Variants in LRRC36 observed in about 807,000 individuals in gnomAD.
The protein encoded by LRRC36 is leucine rich repeat containing 36.
A neutral mutation model predicts 81.1 loss-of-function variants in LRRC36; 62 were observed. The ratio of observed to expected loss-of-function variants is 0.76; its 90% confidence interval spans 0.62 to 0.94. The LOEUF (loss-of-function observed/expected upper bound fraction) is 0.94. Ranked by LOEUF, LRRC36 falls within the 40% of genes least tolerant of loss-of-function variation. The pLI is 0.00. For missense variants in LRRC36, 761 were observed against 881.7 expected (o/e 0.86, Z 1.73); for synonymous variants, 334 against 348.6 (o/e 0.96, Z 0.47).
rs1030719417 is a variant in LRRC36, at chr16:67,381,985, A to G, written c.1931-148A>G. 3 of 606,112 alleles carry G rather than the reference A, an allele frequency of 4.9e-6. No homozygotes were observed. The East Asian group carries it at 8.6e-5, about 17-fold the overall frequency. 37.5% of individuals were successfully genotyped at this position (606,112 alleles called of 1,614,324 possible). A position where few individuals can be genotyped will look rare whatever the true frequency, so the allele number is the denominator to read the frequency against. ...CCAAACCCTGTATTCTTGCCACCAT[A>G]TCTCCTATCTCCAAGTAAGGCAATG... On this transcript the variant is annotated intron_variant, in intron 12 of 13. Transcript: ENST00000329956.
intron 1 of LRRC36, among the ~76,000 whole-genome samples, chr16:67,332,282 G>A (rs2037530777): frequency 6.6e-6 from 1 of 151,786 alleles, no homozygotes; most frequent in South Asian, 2.1e-4. Context: ...GGCCAGGCGC[G>A]GTGGCTTACG....
chr16:67,347,844 G>A (rs1349125965), intron 4 of LRRC36, among the ~76,000 whole-genome samples: 1 of 152,114 alleles, frequency 6.6e-6, no homozygotes, highest in African/African-American at 2.4e-5. Flanking sequence ...TTGTTCACAG[G>A]TTATAGATAG....
In LRRC36 at chr16:67,385,022, T is replaced by C; in HGVS notation, c.2198T>C (p.Val733Ala). 1.9e-6 allele frequency: 3 copies of C among 1,614,208 alleles called. No homozygotes were observed. Among genetic ancestry groups the C allele is most frequent in the Non-Finnish European group, 2.5e-6 (3 of 1,180,030 alleles). Residue 733 changes from valine to alanine, a missense_variant, in exon 14 of 14, where the codon GTG (valine) becomes GCG (alanine). Val to Ala is a moderately conservative substitution (Grantham distance 64, BLOSUM62 0). Around this residue, in one of 3 missense-constraint regions of LRRC36, gnomAD observed 359 missense variants for 388.4 expected, o/e 0.92. Transcript: ENST00000329956. ...GKSTLSSSSP[V>A]AHETGQYLIQ... ...AGCACGTTGTCTTCCTCCTCACCAG[T>C]GGCACATGAGACTGGTCAGTATCTA...
chr16:67,347,625 G>A (rs377456421), intron 4 of LRRC36, 34 bp downstream of exon 4: 1 of 1,504,762 alleles, frequency 6.6e-7, no homozygotes, highest in East Asian at 2.3e-5. Flanking sequence ...TTTAAAGTTT[G>A]GTTCTGGACA....
intron 11 of LRRC36, among the ~76,000 whole-genome samples, chr16:67,377,617 C>A (rs1429122152): frequency 6.6e-6 from 1 of 151,958 alleles, no homozygotes; most frequent in African/African-American, 2.4e-5. Flanking sequence ...CAGGCATGAG[C>A]CACTGCACCT....
chr16:67,378,869 C>T (rs2040010189), intron 12 of LRRC36, among the ~76,000 whole-genome samples, 157 bp downstream of exon 12: 1 of 152,172 alleles, frequency 6.6e-6, no homozygotes, highest in Admixed American at 6.5e-5. Flanking sequence ...AATCATCTTG[C>T]CTCAGAGAAT....
chr16:67,384,763 A>T, intron 13 of LRRC36, 107 bp from the exon 14 acceptor site: 1 of 739,376 alleles, frequency 1.4e-6, no homozygotes, highest in Non-Finnish European at 2.3e-6. Flanking sequence ...CCTTCTATTT[A>T]AAGATGTGAC....
chr16:67,367,095 T>C lies in LRRC36; in HGVS notation c.833T>C (p.Phe278Ser), dbSNP rs1260619727. 6.2e-7 allele frequency: 1 copy of C among 1,614,158 alleles called. No individual in the cohort carries two copies. The highest frequency in any genetic ancestry group is 1.7e-5 in the Admixed American group (1 of 60,024). The change falls in exon 8 of 14, where the codon TTT (phenylalanine) becomes TCT (serine). Residue 278 changes from phenylalanine to serine, a missense_variant. Coordinates refer to ENST00000329956, the MANE Select transcript of LRRC36 (RefSeq NM_018296.6). ...ACTAGAGAAGGGTACCAAGTATCTT[T>C]TTTGGACAATAAGTCTTCAGGTTCT... ...KMTREGYQVS[F>S]LDNKSSGSSP...
chr16:67,381,584 C>T (rs2040112590), intron 12 of LRRC36, among the ~76,000 whole-genome samples: 2 of 152,142 alleles, frequency 1.3e-5, no homozygotes, highest in African/African-American at 2.4e-5. Context: ...GTTATTAGCT[C>T]TAATGAAAGT....
chr16:67,332,511 G>A (rs1343910616), intron 1 of LRRC36, among the ~76,000 whole-genome samples: 1 of 151,764 alleles, frequency 6.6e-6, no homozygotes, highest in Non-Finnish European at 1.5e-5. Flanking sequence ...CCAAGATGGT[G>A]CCATTGCACT....
chr16:67,360,872 A>G (rs2039112250), intron 5 of LRRC36, among the ~76,000 whole-genome samples: 1 of 152,240 alleles, frequency 6.6e-6, no homozygotes, highest in South Asian at 2.1e-4. Flanking sequence ...AATTCTTGCT[A>G]CTATCTTCTT....
At chr16:67,348,855 G>A (rs1034885989) in intron 4 of LRRC36, among the ~76,000 whole-genome samples, 2 of 152,194 alleles carry the variant, frequency 1.3e-5, no homozygotes, top group African/African-American at 4.8e-5. Context: ...ATGAATGAAT[G>A]AGGTCAGTGC....
chr16:67,363,704 T>C lies in LRRC36; in HGVS notation c.692T>C (p.Leu231Pro), dbSNP rs2039263638. ...GATCAGAAATTAGACACCTTCCCAC[T>C]GGGGACACAGGTAATGTATTCACTC... is the stretch of plus-strand genomic sequence containing the variant. ...TRDQKLDTFP[L>P]GTQTQEVARR... The change falls in exon 6 of 14, where the codon CTG (leucine) becomes CCG (proline). Residue 231 changes from leucine (L) to proline (P), a missense_variant. Leu to Pro is a moderately conservative substitution (Grantham distance 98). Coordinates refer to ENST00000329956, the MANE Select transcript of LRRC36 (RefSeq NM_018296.6). 1 of 1,613,828 alleles carries C rather than the reference T, an allele frequency of 6.2e-7. No homozygotes were observed. The highest frequency in any genetic ancestry group is 8.5e-7 in the Non-Finnish European group (1 of 1,179,804).
intron 12 of LRRC36, among the ~76,000 whole-genome samples, chr16:67,379,748 A>G (rs2040043417): frequency 6.6e-6 from 1 of 152,168 alleles, no homozygotes; most frequent in African/African-American, 2.4e-5. Flanking sequence ...TTAAAAAATA[A>G]TTTACATATA....
At chr16:67,368,384 G>C (rs943173184) in intron 8 of LRRC36, among the ~76,000 whole-genome samples, 20 of 152,184 alleles carry the variant, frequency 1.3e-4, no homozygotes, top group Admixed American at 6.6e-5. Context: ...TAGATAGAAT[G>C]GTCCAGAAAG....
intron 10 of LRRC36, 99 bp downstream of exon 10, chr16:67,375,511 G>A: frequency 9.7e-7 from 1 of 1,030,818 alleles, no homozygotes; most frequent in Non-Finnish European, 1.4e-6. Context: ...TGCAAGGAAA[G>A]TTGTTCTCAT....
At position 67,326,900 on chromosome 16, in the gene LRRC36, G is replaced by T; in HGVS notation, c.38G>T (p.Arg13Leu). ...EQWELDEEGI[R>L]RLGALTLEQP... ...TGGGAGCTGGACGAGGAAGGCATTC[G>T]CCGCCTGGGGGCGCTGACGCTGGAG... is the stretch of plus-strand genomic sequence containing the variant. The change falls in exon 1 of 14, where the codon CGC (arginine) becomes CTC (leucine). Residue 13 changes from arginine to leucine, a missense_variant. By Grantham distance (102) the Arg-to-Leu change is moderately radical. Coordinates refer to ENST00000329956, the MANE Select transcript of LRRC36 (RefSeq NM_018296.6). 1 of 1,473,910 alleles carries T rather than the reference G, an allele frequency of 6.8e-7. No individual in the cohort carries two copies. 91.3% of individuals were successfully genotyped at this position (1,473,910 alleles called of 1,614,324 possible). A position where few individuals can be genotyped will look rare whatever the true frequency, so the allele number is the denominator to read the frequency against.
chr16:67,376,698 C>T (rs148961683), intron 10 of LRRC36, 29 bp from the exon 11 acceptor site: 138 of 1,601,052 alleles, frequency 8.6e-5, no homozygotes, highest in Non-Finnish European at 1.1e-4. Flanking sequence ...TTAAGATTGG[C>T]CTGTGTGCCC....
At chr16:67,360,632 G>A (rs569493395) in intron 5 of LRRC36, among the ~76,000 whole-genome samples, 1 of 152,190 alleles carries the variant, frequency 6.6e-6, no homozygotes, top group South Asian at 2.1e-4. Flanking sequence ...TAGTTCTGTC[G>A]AGTCCAGTGG....
Sources: gnomAD v4.1 joint callset for allele counts (sites outside exome capture counted in the v4.1 genomes callset) on GRCh38, gnomAD v4.1.1 for gene constraint, gnomAD v4.1.1 regional missense constraint, MANE v1.5 for transcripts, NCBI Gene and HGNC (gene_info 2026-07-23, HGNC 2026-07-21) for gene names.